The following HS6ST3 variants were observed in gnomAD, a reference collection of about 807,000 sequenced individuals.
HS6ST3 encodes heparan-sulfate 6-O-sulfotransferase 3.
A neutral mutation model predicts 36.7 loss-of-function variants in HS6ST3; 12 were observed. That is an observed-to-expected ratio of 0.33 (90% CI 0.21 to 0.53). The LOEUF (loss-of-function observed/expected upper bound fraction) is 0.53, where lower values mean the gene tolerates loss of function less well. Ranked by LOEUF, HS6ST3 falls within the 20% of genes least tolerant of loss-of-function variation. HS6ST3 has a pLI of 0.95. For missense variants in HS6ST3, 584 were observed against 640.9 expected (o/e 0.91, Z 0.96); for synonymous variants, 240 against 257.5 (o/e 0.93, Z 0.65).
chr13:96,321,808 G>A (rs1464280700), intron 1 of HS6ST3, among the ~76,000 whole-genome samples: 2 of 152,152 alleles, frequency 1.3e-5, no homozygotes, highest in East Asian at 3.9e-4. Context: ...AATGTGGCCT[G>A]GGAAAAAATA....
intron 1 of HS6ST3, among the ~76,000 whole-genome samples, chr13:96,588,938 C>G (rs540738137): frequency 1.7e-4 from 26 of 151,674 alleles, no homozygotes; most frequent in Middle Eastern, 3.4e-3. Context: ...GTATTCCCAG[C>G]TACTCCAGAG....
Position 96,091,364 on chromosome 13 carries a change from A to G in HS6ST3, c.502A>G (p.Asn168Asp). Residue 168 changes from asparagine (N) to aspartate (D), a missense_variant, in exon 1 of 2, where the codon AAC becomes GAC. Physicochemically the swap from Asn to Asp is conservative, Grantham distance 23. Around this residue, in one of 3 missense-constraint regions of HS6ST3, gnomAD observed 360 missense variants for 411.3 expected, o/e 0.88. Coordinates refer to ENST00000376705, the MANE Select transcript of HS6ST3 (RefSeq NM_153456.4). The part of the protein sequence containing the change: ...GTTFGRHLVK[N>D]IRLEQPCSCK... ...CACTTTCGGCCGGCACCTGGTGAAG[A>G]ACATCCGGCTGGAGCAGCCTTGTAG... 6.2e-7 allele frequency: 1 copy of G among 1,614,096 alleles called. No homozygotes were observed. Among genetic ancestry groups the G allele is most frequent in the Non-Finnish European group, 8.5e-7 (1 of 1,179,996 alleles).
intron 1 of HS6ST3, among the ~76,000 whole-genome samples, chr13:96,816,579 C>G (rs1001640878): frequency 1.1e-4 from 17 of 152,162 alleles, no homozygotes; most frequent in African/African-American, 4.1e-4. Flanking sequence ...CGTGAAGACC[C>G]TGATTATGAG....
At chr13:96,429,164 C>G (rs150376098) in intron 1 of HS6ST3, among the ~76,000 whole-genome samples, 13 of 152,288 alleles carry the variant, frequency 8.5e-5, no homozygotes, top group African/African-American at 2.4e-4. Context: ...AAACCAAGGA[C>G]AGTGACCAGC....
intron 1 of HS6ST3, among the ~76,000 whole-genome samples, chr13:96,688,083 G>T (rs1280510467): frequency 0.012 from 2 of 172 alleles, no homozygotes; most frequent in African/African-American, 0.016. Flanking sequence ...GAATGGGGGG[G>T]GGGGAGGGAT....
At chr13:96,609,615 C>T (rs2056450438) in intron 1 of HS6ST3, among the ~76,000 whole-genome samples, 1 of 152,142 alleles carries the variant, frequency 6.6e-6, no homozygotes, top group African/African-American at 2.4e-5. Context: ...GACTAGAACT[C>T]AGTTGATGCT....
chr13:96,642,279 T>C (rs2056572915), intron 1 of HS6ST3, among the ~76,000 whole-genome samples: 1 of 151,886 alleles, frequency 6.6e-6, no homozygotes, highest in Non-Finnish European at 1.5e-5. Flanking sequence ...ATATAATGAA[T>C]CACTTCTTTC....
At chr13:96,680,756 T>A (rs1329198877) in intron 1 of HS6ST3, among the ~76,000 whole-genome samples, 2 of 152,184 alleles carry the variant, frequency 1.3e-5, no homozygotes, top group Admixed American at 1.3e-4. Context: ...CACATTTTTC[T>A]TCCCACTTCA....
rs774158340 is a variant in HS6ST3, at chr13:96,832,929, C to T, written c.1147C>T (p.Arg383Trp). The T allele has an allele frequency of 9.9e-6, 16 of 1,614,028 alleles. No homozygotes were observed. The highest frequency in any genetic ancestry group is 1.3e-5 in the African/African-American group (1 of 74,910). ...ISPFTQFNIT[R>W]ASNVEINEGA... ...CCCCTTCACACAGTTCAACATCACGCGGGCTTCTAACGTGGAGATCAACGA... is the reference window on the plus strand; with the variant it reads ...CCCCTTCACACAGTTCAACATCACGTGGGCTTCTAACGTGGAGATCAACGA... The change falls in exon 2 of 2, where the codon CGG (arginine) becomes TGG (tryptophan). Residue 383 changes from arginine to tryptophan, a missense_variant. This residue lies in a region of HS6ST3 where 360 missense variants were observed against 411.3 expected (regional missense o/e 0.88). Transcript: ENST00000376705.
chr13:96,628,948 C>T (rs2056522528), intron 1 of HS6ST3, among the ~76,000 whole-genome samples: 1 of 152,028 alleles, frequency 6.6e-6, no homozygotes, highest in African/African-American at 2.4e-5. Context: ...TAAATTACTG[C>T]ATAGGTTATT....
chr13:96,833,498 T>G lies in HS6ST3; in HGVS notation c.*300T>G, dbSNP rs1566464859. On this transcript the variant is annotated 3_prime_UTR_variant, in exon 2 of 2. Transcript: ENST00000376705. Reference sequence around the variant, plus strand: ...AAGGAGACAGTTCCTGTGATCTCCTTTGCAGGAGCATAGAATAGTTTGGGT... The same window carrying G: ...AAGGAGACAGTTCCTGTGATCTCCTGTGCAGGAGCATAGAATAGTTTGGGT... The G allele has an allele frequency of 3.3e-6, 1 of 303,762 alleles. No individual in the cohort carries two copies. The highest frequency in any genetic ancestry group is 6.1e-6 in the Non-Finnish European group (1 of 163,898). The allele number at this position is 303,762 out of a possible 1,614,324, so 18.8% of individuals were successfully genotyped here. A position where few individuals can be genotyped will look rare whatever the true frequency, so the allele number is the denominator to read the frequency against.
intron 1 of HS6ST3, among the ~76,000 whole-genome samples, chr13:96,716,176 A>G (rs1875690346): frequency 1.3e-5 from 2 of 152,090 alleles, no homozygotes; most frequent in African/African-American, 2.4e-5. Flanking sequence ...TTAATTACCT[A>G]CCATTATCTC....
chr13:96,283,441 A>C (rs570704182), intron 1 of HS6ST3, among the ~76,000 whole-genome samples: 2 of 152,278 alleles, frequency 1.3e-5, no homozygotes, highest in South Asian at 4.1e-4. Context: ...ACTGTATGTA[A>C]CATCATCCTA....
At chr13:96,481,220 G>A (rs926116242) in intron 1 of HS6ST3, among the ~76,000 whole-genome samples, 5 of 152,158 alleles carry the variant, frequency 3.3e-5, no homozygotes, top group Non-Finnish European at 7.3e-5. Flanking sequence ...CAAAGTGCAC[G>A]TGACCTAGGA....
At chr13:96,780,831 GC>G (rs1165711198) in intron 1 of HS6ST3, among the ~76,000 whole-genome samples, 2 of 152,024 alleles carry the variant, frequency 1.3e-5, no homozygotes, top group Admixed American at 6.6e-5. Flanking sequence ...CTATGGACAA[GC>G]TGGTCTGGCA....
At chr13:96,183,368 G>C (rs1197812240) in intron 1 of HS6ST3, among the ~76,000 whole-genome samples, 2 of 152,174 alleles carry the variant, frequency 1.3e-5, no homozygotes, top group Non-Finnish European at 2.9e-5. Context: ...GAAAGTTTGG[G>C]ATGATCTTCA....
chr13:96,228,987 A>G (rs1163063186), intron 1 of HS6ST3, among the ~76,000 whole-genome samples: 1 of 152,184 alleles, frequency 6.6e-6, no homozygotes, highest in Non-Finnish European at 1.5e-5. Context: ...CCTAAGGTAC[A>G]TGCAGCTCAG....
chr13:96,817,494 G>GA, intron 1 of HS6ST3, among the ~76,000 whole-genome samples: 1 of 152,294 alleles, frequency 6.6e-6, no homozygotes, highest in African/African-American at 2.4e-5. Flanking sequence ...TTAATTACTA[G>GA]AAAAATAGTT....
At chr13:96,144,230 CTGAG>C (rs1223859256) in intron 1 of HS6ST3, among the ~76,000 whole-genome samples, 2 of 152,006 alleles carry the variant, frequency 1.3e-5, no homozygotes, top group African/African-American at 4.8e-5. Flanking sequence ...TAATTTTCAC[CTGAG>C]TGTTTTATAG....
Sources: allele counts gnomAD v4.1 joint callset (sites outside exome capture counted in the v4.1 genomes callset), GRCh38; gene constraint gnomAD v4.1.1; regional missense constraint gnomAD v4.1.1; transcripts MANE v1.5; gene names NCBI Gene and HGNC (gene_info 2026-07-23, HGNC 2026-07-21).